CADPS: variants seen among roughly 807,000 people sequenced by gnomAD.
CADPS encodes calcium dependent secretion activator.
CADPS carries 57 observed loss-of-function variants against 167.3 expected under a neutral mutation model. The observed-to-expected ratio is 0.34, with a 90% confidence interval of 0.28 to 0.42. The LOEUF is 0.42. CADPS is among the 20% of genes least tolerant of loss of function. CADPS has a pLI of 1.00. For synonymous variants in CADPS, 676 were observed against 635.3 expected (o/e 1.06, Z -0.96); for missense variants, 1,414 against 1,738.1 (o/e 0.81, Z 3.32).
At chr3:62,553,744 C>T (rs927037651) in intron 10 of CADPS, among the ~76,000 whole-genome samples, 1 of 152,036 alleles carries the variant, frequency 6.6e-6, no homozygotes, top group South Asian at 2.1e-4. Context: ...GATAGAAGAG[C>T]GACAGATGAA....
At chr3:62,476,474 T>C (rs1326784533) in intron 23 of CADPS, among the ~76,000 whole-genome samples, 1 of 152,142 alleles carries the variant, frequency 6.6e-6, no homozygotes, top group Non-Finnish European at 1.5e-5. Context: ...GTGGAGCAAC[T>C]TCTGTCAGTA....
Position 62,403,178 on chromosome 3 carries a change from T to A in CADPS, c.3785A>T (p.Tyr1262Phe). Reference sequence around the variant, plus strand: ...GCAGATCACGTTCATGGAGCTGTTGTACCATTGCTGAAAAAAGAGACAAAA... The same window carrying A: ...GCAGATCACGTTCATGGAGCTGTTGAACCATTGCTGAAAAAAGAGACAAAA... ...MYIERLFDQW[Y>F]NSSMNVICTW... Residue 1262 changes from tyrosine (Y) to phenylalanine (F), a missense_variant, in exon 29 of 30, where the codon TAC (tyrosine) becomes TTC (phenylalanine). Physicochemically the swap from Tyr to Phe is conservative, Grantham distance 22 (BLOSUM62 3). Coordinates refer to ENST00000383710, the MANE Select transcript of CADPS (RefSeq NM_003716.4). 1.9e-6 allele frequency: 3 copies of A among 1,611,998 alleles called. No individual in the cohort carries two copies. Among genetic ancestry groups the A allele is most frequent in the Non-Finnish European group, 2.5e-6 (3 of 1,178,302 alleles).
chr3:62,557,231 C>T (rs1432921821), intron 10 of CADPS, among the ~76,000 whole-genome samples, 174 bp downstream of exon 10: 1 of 151,994 alleles, frequency 6.6e-6, no homozygotes, highest in African/African-American at 2.4e-5. Flanking sequence ...ATTTAACCAA[C>T]CGGGATGGAA....
At chr3:62,572,721 A>G (rs1358676369) in intron 8 of CADPS, among the ~76,000 whole-genome samples, 6 of 152,200 alleles carry the variant, frequency 3.9e-5, no homozygotes, top group Non-Finnish European at 7.3e-5. Flanking sequence ...ATTATGTAGC[A>G]CATATTAAAA....
intron 3 of CADPS, among the ~76,000 whole-genome samples, chr3:62,670,041 GA>G (rs1225568160): frequency 5.9e-5 from 9 of 152,134 alleles, no homozygotes; most frequent in African/African-American, 2.2e-4. Flanking sequence ...ATGGATTTCG[GA>G]ATCAGAAAAC....
intron 14 of CADPS, among the ~76,000 whole-genome samples, chr3:62,517,092 G>T (rs1423144369): frequency 2.0e-5 from 3 of 152,158 alleles, no homozygotes; most frequent in African/African-American, 7.2e-5. Context: ...GATTCTGCTA[G>T]CTATCCTTCC....
chr3:62,797,163 G>GT (rs2093470046), intron 1 of CADPS, among the ~76,000 whole-genome samples: 1 of 151,834 alleles, frequency 6.6e-6, no homozygotes, highest in African/African-American at 2.4e-5. Context: ...TATGGTTTTT[G>GT]TTTTTTGTTT....
intron 3 of CADPS, among the ~76,000 whole-genome samples, chr3:62,716,296 C>T (rs375076639): frequency 9.9e-5 from 15 of 152,078 alleles, no homozygotes; most frequent in African/African-American, 2.9e-4. Context: ...TCAAGTGATC[C>T]GTCCATCTCG....
At chr3:62,581,467 A>G (rs79624261) in intron 8 of CADPS, among the ~76,000 whole-genome samples, 1 of 149,638 alleles carries the variant, frequency 6.7e-6, no homozygotes, top group Non-Finnish European at 1.5e-5. Context: ...AAAAAAAAAA[A>G]GGAGTTCGAG....
In CADPS at chr3:62,516,108, C is replaced by A. The variant is rs762089492; in HGVS notation, c.2532G>T (p.Gln844His). The A allele has an allele frequency of 9.9e-6, 16 of 1,613,270 alleles. No individual in the cohort carries two copies. The highest frequency in any genetic ancestry group is 1.4e-5 in the Non-Finnish European group (16 of 1,179,474). The change falls in exon 16 of 30, where the codon CAG becomes CAT. Residue 844 changes from glutamine to histidine, a missense_variant. Physicochemically the swap from Gln to His is conservative, Grantham distance 24. Coordinates refer to ENST00000383710, the MANE Select transcript of CADPS (RefSeq NM_003716.4). ...GCCGAGAATAGTTGACTAACGCAGCCTGTTCCAGACATTTACGGATAACTG... is the reference window on the plus strand; with the variant it reads ...GCCGAGAATAGTTGACTAACGCAGCATGTTCCAGACATTTACGGATAACTG... ...VKTVIRKCLE[Q>H]AALVNYSRLS...
intron 8 of CADPS, among the ~76,000 whole-genome samples, chr3:62,574,962 G>C (rs1381477894): frequency 6.6e-6 from 1 of 152,170 alleles, no homozygotes; most frequent in Non-Finnish European, 1.5e-5. Context: ...TAGGTACAAA[G>C]GGAAGTAGAT....
chr3:62,408,447 T>G (rs1380986425), intron 28 of CADPS, among the ~76,000 whole-genome samples: 2 of 152,242 alleles, frequency 1.3e-5, no homozygotes, highest in East Asian at 3.8e-4. Flanking sequence ...GCCCTGCTCT[T>G]GGGTTCACTG....
In CADPS at chr3:62,767,082, AT is replaced by A. The variant is rs540862952; in HGVS notation, c.442-1099del. ...GTTCTAATTTATATAAAATATGTAT[AT>A]TAACAAGTCAGCCAAAACTTTGCTG... On this transcript the variant is annotated intron_variant, in intron 1 of 29. Transcript: ENST00000383710. Among the ~76,000 whole-genome samples the A allele has an allele frequency of 1.1e-3, 160 of 152,342 alleles. 1 individual carries two copies. Among genetic ancestry groups the A allele is most frequent in the Middle Eastern group, 6.8e-3 (2 of 294 alleles).
intron 3 of CADPS, among the ~76,000 whole-genome samples, chr3:62,671,757 G>A (rs2075548531): frequency 6.6e-6 from 1 of 151,956 alleles, no homozygotes; most frequent in South Asian, 2.1e-4. Flanking sequence ...TCAGGCAGCA[G>A]TATTTTCTGT....
chr3:62,692,625 C>T (rs1194080544), intron 3 of CADPS, among the ~76,000 whole-genome samples: 2 of 152,014 alleles, frequency 1.3e-5, no homozygotes, highest in Non-Finnish European at 2.9e-5. Context: ...TAGAAAGATG[C>T]CATTCCTTTC....
intron 1 of CADPS, among the ~76,000 whole-genome samples, chr3:62,785,366 T>A (rs2092317895): frequency 6.6e-6 from 1 of 151,956 alleles, no homozygotes; most frequent in Admixed American, 6.6e-5. Flanking sequence ...ACTGTGAGAG[T>A]TTCATTTGTT....
At chr3:62,792,050 G>A (rs1023797199) in intron 1 of CADPS, among the ~76,000 whole-genome samples, 4 of 152,156 alleles carry the variant, frequency 2.6e-5, no homozygotes, top group Admixed American at 1.3e-4. Flanking sequence ...CTGAAAAGAT[G>A]CTGAATCTTA....
chr3:62,750,475 G>A (rs2082462538), intron 3 of CADPS, among the ~76,000 whole-genome samples: 1 of 151,650 alleles, frequency 6.6e-6, no homozygotes, highest in Non-Finnish European at 1.5e-5. Flanking sequence ...GTTAACGCCT[G>A]AAGTCTAGAA....
intron 1 of CADPS, among the ~76,000 whole-genome samples, chr3:62,793,441 A>G (rs1238415722): frequency 6.6e-6 from 1 of 152,188 alleles, no homozygotes; most frequent in Non-Finnish European, 1.5e-5. Flanking sequence ...TCAGCATTTG[A>G]GCTAATATGT....
Sources: gnomAD v4.1 joint callset for allele counts (sites outside exome capture counted in the v4.1 genomes callset) on GRCh38, gnomAD v4.1.1 for gene constraint, MANE v1.5 for transcripts, NCBI Gene and HGNC (gene_info 2026-07-23, HGNC 2026-07-21) for gene names.